Variants in CCDC144A observed in about 807,000 individuals in gnomAD.
The protein encoded by CCDC144A is coiled-coil domain-containing protein 144A.
CCDC144A carries 41 observed loss-of-function variants against 143.8 expected under a neutral mutation model. The observed-to-expected ratio is 0.29, with a 90% CI of 0.22 to 0.37. The LOEUF is 0.37. Ranked by LOEUF, CCDC144A falls within the 10% of genes least tolerant of loss-of-function variation. The pLI, the probability that CCDC144A is intolerant of heterozygous loss-of-function variation, is 1.00. For missense variants in CCDC144A, 637 were observed against 1,488.8 expected, an observed-to-expected ratio of 0.43 and a Z score of 9.41; for synonymous variants, 242 against 517.9, an observed-to-expected ratio of 0.47 and a Z score of 7.23.
At chr17:16,695,428 AT>A (rs1396701267) in intron 2 of CCDC144A, 3 of 151,628 alleles carry the variant, frequency 2.0e-5, no homozygotes, top group African/African-American at 7.3e-5. Context: ...TCTCTACTAA[AT>A]TTTTTAAAAA....
intron 6 of CCDC144A, among the ~76,000 whole-genome samples, chr17:16,717,103 C>CTTT (rs1195816990): frequency 1.6e-5 from 2 of 126,528 alleles, no homozygotes; most frequent in Non-Finnish European, 3.3e-5. Flanking sequence ...GCTCGGCCAG[C>CTTT]TTTTTTTTTT....
intron 12 of CCDC144A, among the ~76,000 whole-genome samples, chr17:16,751,854 G>T (rs1232146943): frequency 2.0e-5 from 3 of 152,226 alleles, no homozygotes; most frequent in African/African-American, 7.2e-5. Context: ...ATGGCTGTGG[G>T]GAGCACTTAG....
intron 12 of CCDC144A, among the ~76,000 whole-genome samples, chr17:16,756,418 A>T (rs1482471942): frequency 6.6e-6 from 1 of 151,226 alleles, no homozygotes; most frequent in African/African-American, 2.5e-5. Context: ...AGTTGTTTTT[A>T]TTTTATGTAT....
chr17:16,738,621 T>C (rs1264118952), intron 12 of CCDC144A, among the ~76,000 whole-genome samples: 1 of 152,244 alleles, frequency 6.6e-6, no homozygotes, highest in African/African-American at 2.4e-5. Flanking sequence ...GTATCAATAT[T>C]TAATTTCATC....
At chr17:16,746,358 C>T in intron 12 of CCDC144A, 1 of 1,222,992 alleles carries the variant, frequency 8.2e-7, no homozygotes, top group South Asian at 1.4e-5. Flanking sequence ...CTCCGTTCTT[C>T]TCGCTTCTCT....
chr17:16,755,881 G>C (rs1016577809), intron 12 of CCDC144A, among the ~76,000 whole-genome samples: 7 of 152,152 alleles, frequency 4.6e-5, no homozygotes, highest in Non-Finnish European at 8.8e-5. Context: ...AGTTTTAAAG[G>C]ATAGCTTTGC....
At chr17:16,762,070 G>A (rs1032564634) in intron 13 of CCDC144A, among the ~76,000 whole-genome samples, 2 of 152,148 alleles carry the variant, frequency 1.3e-5, no homozygotes, top group Non-Finnish European at 2.9e-5. Context: ...TTTTAACTTG[G>A]TTCTGTCATT....
chr17:16,777,648 A>G lies in CCDC144A; in HGVS notation c.*4015A>G, dbSNP rs1437341250. ...CAATGATATCAAGAGGGAAATTTAAAAATTCTTTGAACTGAACGATAATAG... is the reference window on the plus strand; with the variant it reads ...CAATGATATCAAGAGGGAAATTTAAGAATTCTTTGAACTGAACGATAATAG... On this transcript the variant is annotated 3_prime_UTR_variant, in exon 17 of 17. Transcript: ENST00000399273. 3 of 137,420 alleles carry G rather than the reference A, an allele frequency of 2.2e-5. No homozygotes were observed. The allele number at this position is 137,420 out of a possible 1,614,324, so 8.5% of individuals were successfully genotyped here. A position where few individuals can be genotyped will look rare whatever the true frequency, so the allele number is the denominator to read the frequency against.
intron 15 of CCDC144A, chr17:16,765,503 A>G (rs1366217548): frequency 6.7e-6 from 1 of 149,590 alleles, no homozygotes; most frequent in African/African-American, 2.5e-5. Flanking sequence ...AAAATTTTCA[A>G]TCGATGCACA....
chr17:16,771,652 A>G (rs1206021825), intron 15 of CCDC144A, among the ~76,000 whole-genome samples: 1 of 152,276 alleles, frequency 6.6e-6, no homozygotes, highest in Non-Finnish European at 1.5e-5. Context: ...TGGGAAAGTA[A>G]TGCATTCATT....
Position 16,709,356 on chromosome 17 carries a change from A to G in CCDC144A, c.1299A>G (p.Pro433=), listed in dbSNP as rs377459013. Reference sequence around the variant, plus strand: ...CAAGCACTAAGAAAGCAAGGAACCCAGAAGTGGTTATGGTTGAAATGAAAG... The same window carrying G: ...CAAGCACTAAGAAAGCAAGGAACCCGGAAGTGGTTATGGTTGAAATGAAAG... ...NDASTKKARN[P]EVVMVEMKED... is the part of the protein sequence containing the mutation. The change falls in exon 5 of 17, where the codon CCA becomes CCG. Residue 433 remains proline (P), a synonymous_variant. Transcript: ENST00000399273. 433 of 1,611,722 alleles carry G rather than the reference A, an allele frequency of 2.7e-4. 3 individuals are homozygous for G. In the African/African-American group the frequency reaches 5.1e-3, roughly 19 times the overall value.
chr17:16,687,451 T>C (rs980214534), upstream of CCDC144A, among the ~76,000 whole-genome samples: 2 of 152,152 alleles, frequency 1.3e-5, no homozygotes, highest in Non-Finnish European at 2.9e-5. Context: ...TCCTTTTTCA[T>C]TCATTTGTTT....
chr17:16,697,176 G>A (rs906500407), intron 2 of CCDC144A, among the ~76,000 whole-genome samples: 2 of 152,164 alleles, frequency 1.3e-5, no homozygotes, highest in African/African-American at 4.8e-5. Flanking sequence ...AATGTTTACT[G>A]TAGGGACTCA....
intron 5 of CCDC144A, chr17:16,710,376 A>G (rs1425906564): frequency 6.6e-6 from 1 of 152,428 alleles, no homozygotes; most frequent in African/African-American, 2.4e-5. Context: ...AAAAAAAAAA[A>G]AAAAAAGAAA....
chr17:16,684,825 T>C (rs1910723396), upstream of CCDC144A, among the ~76,000 whole-genome samples: 1 of 151,906 alleles, frequency 6.6e-6, no homozygotes, highest in African/African-American at 2.4e-5. Flanking sequence ...TAGCCAGGTG[T>C]AGTGGTGCAT....
intron 2 of CCDC144A, among the ~76,000 whole-genome samples, chr17:16,697,233 G>A (rs1322788068): frequency 6.6e-6 from 1 of 152,044 alleles, no homozygotes; most frequent in Non-Finnish European, 1.5e-5. Flanking sequence ...AGGGCAATCT[G>A]GTTATGGTAT....
intron 12 of CCDC144A, among the ~76,000 whole-genome samples, chr17:16,755,122 T>C (rs1915015168): frequency 6.6e-6 from 1 of 152,274 alleles, no homozygotes; most frequent in African/African-American, 2.4e-5. Context: ...TCTATGTGTC[T>C]TTACAGGTAA....
At chr17:16,685,723 G>A (rs192582898), upstream of CCDC144A, among the ~76,000 whole-genome samples, 122 of 152,134 alleles carry the variant, frequency 8.0e-4, no homozygotes, top group Non-Finnish European at 8.8e-4. Flanking sequence ...CTGATTTTAC[G>A]GGGGGAGTGG....
the CCDC144A span, among the ~76,000 whole-genome samples, chr17:16,668,547 T>C: frequency 1.3e-5 from 2 of 152,232 alleles, no homozygotes; most frequent in Non-Finnish European, 2.9e-5. Flanking sequence ...GTTATTTTTT[T>C]CTACCTGCTT....
Sources: allele counts gnomAD v4.1 joint callset (sites outside exome capture counted in the v4.1 genomes callset), GRCh38; gene constraint gnomAD v4.1.1; transcripts MANE v1.5; gene names NCBI Gene and HGNC (gene_info 2026-07-23, HGNC 2026-07-21).